Variants in NSL1 observed in about 807,000 individuals in gnomAD.
NSL1 encodes NSL1 component of MIS12 kinetochore complex, also known as kinetochore-associated protein NSL1 homolog.
A neutral mutation model predicts 25.4 loss-of-function variants in NSL1; 11 were observed. The ratio of observed to expected loss-of-function variants is 0.43; its 90% CI spans 0.27 to 0.72. The LOEUF is 0.72. NSL1 is among the 30% of genes least tolerant of loss of function. The probability of loss-of-function intolerance (pLI) is 0.19; values close to 1 mark genes in which losing one functional copy is unlikely to be tolerated. For missense variants in NSL1, 330 were observed against 342.7 expected, an observed-to-expected ratio of 0.96 and a Z score of 0.29; for synonymous variants, 118 against 120.6, an observed-to-expected ratio of 0.98 and a Z score of 0.14.
At position 212,738,443 on chromosome 1, in the gene NSL1, G is replaced by C; in HGVS notation, c.811C>G (p.Pro271Ala). The change falls in exon 6 of 6, where the codon CCA becomes GCA. Residue 271 changes from proline (P) to alanine (A), a missense_variant. By Grantham distance (27) the Pro-to-Ala change is conservative. Transcript: ENST00000366977. Reference sequence around the variant, plus strand: ...AGATTAATTTTCTTTGGCCGCAATGGATACCATTTTCTCTGGGGGCAGTCT... The same window carrying C: ...AGATTAATTTTCTTTGGCCGCAATGCATACCATTTTCTCTGGGGGCAGTCT... ...TKDCPQRKWY[P>A]LRPKKINLDT The C allele has an allele frequency of 1.2e-6, 2 of 1,613,544 alleles. No individual in the cohort carries two copies. Among genetic ancestry groups the C allele is most frequent in the East Asian group, 4.5e-5 (2 of 44,876 alleles).
chr1:212,768,586 T>G (rs927541615), intron 4 of NSL1, among the ~76,000 whole-genome samples: 1 of 152,208 alleles, frequency 6.6e-6, no homozygotes, highest in Admixed American at 6.5e-5. Context: ...CTGGATGGAG[T>G]TGGAGTCCAT....
At position 212,728,460 on chromosome 1, in the gene NSL1, T is replaced by G; in HGVS notation, c.*9948A>C. Reference sequence around the variant, plus strand: ...ATCTCTTCCTTTTCTTTGGGTAATCTTTTATCTTGAACTACCAAGAGTAGA... The same window carrying G: ...ATCTCTTCCTTTTCTTTGGGTAATCGTTTATCTTGAACTACCAAGAGTAGA... On this transcript the variant is annotated 3_prime_UTR_variant, in exon 6 of 6. Coordinates refer to ENST00000366977, the MANE Select transcript of NSL1 (RefSeq NM_015471.4). The G allele has an allele frequency of 1.0e-6, 1 of 985,464 alleles. No individual in the cohort carries two copies. Among genetic ancestry groups the G allele is most frequent in the Non-Finnish European group, 1.2e-6 (1 of 829,934 alleles). The allele number at this position is 985,464 out of a possible 1,614,324, so 61.0% of individuals were successfully genotyped here.
chr1:212,749,408 G>A (rs1021994), intron 4 of NSL1, among the ~76,000 whole-genome samples: 28,025 of 131,802 alleles, frequency 0.21, 3,728 homozygotes, highest in Admixed American at 0.45. Flanking sequence ...ACAGTGATGT[G>A]ATCACTGCTC....
In NSL1 at chr1:212,727,646, A is replaced by G. The variant is rs1382752780; in HGVS notation, c.*10762T>C. 1.0e-6 allele frequency: 1 copy of G among 985,230 alleles called. No individual in the cohort carries two copies. Among genetic ancestry groups the G allele is most frequent in the East Asian group, 1.1e-4 (1 of 8,830 alleles). The allele number at this position is 985,230 out of a possible 1,614,324, so 61.0% of individuals were successfully genotyped here. ...TTCACACGTCACAAATTCAGAATTT[A>G]CTATAATTATAATCCTGAACAATCA... On this transcript the variant is annotated 3_prime_UTR_variant, in exon 6 of 6. Coordinates refer to ENST00000366977, the MANE Select transcript of NSL1 (RefSeq NM_015471.4).
At chr1:212,754,969 T>C (rs768992634) in intron 4 of NSL1, among the ~76,000 whole-genome samples, 6 of 152,064 alleles carry the variant, frequency 3.9e-5, no homozygotes, top group Admixed American at 6.6e-5. Context: ...CTGGGATTGT[T>C]TGGGGCCAGA....
intron 4 of NSL1, among the ~76,000 whole-genome samples, chr1:212,780,367 G>A (rs1252641551): frequency 2.6e-5 from 4 of 151,280 alleles, no homozygotes; most frequent in South Asian, 2.1e-4. Context: ...CAAACACTGC[G>A]GAAGGCCGCA....
rs532313864 is a variant in NSL1, at chr1:212,730,237, CAAAAAAAA to C, written c.*8163_*8170del. ...TACACTCCAGCCTGGGTGACAGTCT[CAAAAAAAA>C]AAAAAAAAAAAAAAAAAAAAGAAAT... On this transcript the variant is annotated 3_prime_UTR_variant, in exon 6 of 6. Coordinates refer to ENST00000366977, the MANE Select transcript of NSL1 (RefSeq NM_015471.4). 3.0e-4 allele frequency: 180 copies of C among 603,894 alleles called. No individual in the cohort carries two copies. The African/African-American group carries it at 4.2e-3, about 14-fold the overall frequency. The allele number at this position is 603,894 out of a possible 1,614,324, so 37.4% of individuals were successfully genotyped here.
At chr1:212,752,036 C>T (rs1659088270) in intron 4 of NSL1, among the ~76,000 whole-genome samples, 1 of 152,154 alleles carries the variant, frequency 6.6e-6, no homozygotes. Context: ...TCTAGAACCT[C>T]GTGACACCAC....
Position 212,736,931 on chromosome 1 carries a change from T to C in NSL1, c.*1477A>G. 1 of 983,842 alleles carries C rather than the reference T, an allele frequency of 1.0e-6. No individual in the cohort carries two copies. The highest frequency in any genetic ancestry group is 1.2e-6 in the Non-Finnish European group (1 of 828,452). 60.9% of individuals were successfully genotyped at this position (983,842 alleles called of 1,614,324 possible). ...AATGCAAGTAGCTTATATAATCTAA[T>C]AGAATTAACAATAACTCTTTTGTTT... On this transcript the variant is annotated 3_prime_UTR_variant, in exon 6 of 6. Transcript: ENST00000366977.
At chr1:212,775,694 C>T (rs1298057092) in intron 4 of NSL1, among the ~76,000 whole-genome samples, 2 of 151,588 alleles carry the variant, frequency 1.3e-5, no homozygotes, top group Non-Finnish European at 2.9e-5. Context: ...TACAGAGGCA[C>T]TTCAGCAAGA....
At chr1:212,745,614 CT>C (rs1334422126) in intron 4 of NSL1, among the ~76,000 whole-genome samples, 3 of 152,142 alleles carry the variant, frequency 2.0e-5, no homozygotes, top group Non-Finnish European at 2.9e-5. Flanking sequence ...AATTCACTAT[CT>C]GCCAAAAATA....
chr1:212,739,627 T>G (rs144904988), intron 4 of NSL1, 26 bp from the exon 5 acceptor site: 239 of 1,608,450 alleles, frequency 1.5e-4, no homozygotes, highest in Non-Finnish European at 1.9e-4. Flanking sequence ...CAAACAGTAT[T>G]TTAGGTTTTT....
chr1:212,727,379 GA>G lies in NSL1; in HGVS notation c.*11028del. The G allele has an allele frequency of 1.0e-6, 1 of 985,260 alleles. No homozygotes were observed. Among genetic ancestry groups the G allele is most frequent in the Non-Finnish European group, 1.2e-6 (1 of 829,888 alleles). The allele number at this position is 985,260 out of a possible 1,614,324, so 61.0% of individuals were successfully genotyped here. On this transcript the variant is annotated 3_prime_UTR_variant, in exon 6 of 6. Coordinates refer to ENST00000366977, the MANE Select transcript of NSL1 (RefSeq NM_015471.4). ...ATGGCAGGAAGGTCACTTAACCAGG[GA>G]AATAAGTATCAGTCAAGTTAATGTT...
intron 2 of NSL1, 44 bp from the exon 3 acceptor site, chr1:212,784,537 C>G: frequency 7.8e-7 from 1 of 1,287,198 alleles, no homozygotes. Context: ...TTCCCTAAAA[C>G]TCATTGTTTA....
rs1660996461 is a variant in NSL1 at position 212,787,556 on chromosome 1, T to C, written c.313+3A>G. 3 of 1,590,152 alleles carry C rather than the reference T, an allele frequency of 1.9e-6. No homozygotes were observed. The highest frequency in any genetic ancestry group is 2.6e-6 in the Non-Finnish European group (3 of 1,169,688). ...TTAATAATGGAAGGAAAAAGTCACATACCCATAAAACAATTATCTGAAGCT... is the reference window on the plus strand; with the variant it reads ...TTAATAATGGAAGGAAAAAGTCACACACCCATAAAACAATTATCTGAAGCT... On this transcript the variant is annotated splice_donor_region_variant and intron_variant, in intron 2 of 5. Coordinates refer to ENST00000366977, the MANE Select transcript of NSL1 (RefSeq NM_015471.4).
At chr1:212,739,660 G>A (rs1571864101) in intron 4 of NSL1, 59 bp from the exon 5 acceptor site, 11 of 1,525,950 alleles carry the variant, frequency 7.2e-6, no homozygotes, top group Non-Finnish European at 9.0e-6. Flanking sequence ...ATCATAAAAG[G>A]CATATAGATA....
At chr1:212,754,038 A>T (rs1659187586) in intron 4 of NSL1, among the ~76,000 whole-genome samples, 1 of 152,176 alleles carries the variant, frequency 6.6e-6, no homozygotes, top group Non-Finnish European at 1.5e-5. Context: ...GCCTGAAATA[A>T]ATCTGGAGAG....
intron 4 of NSL1, among the ~76,000 whole-genome samples, chr1:212,754,435 G>GTGCAAC (rs1312078327): frequency 2.0e-5 from 3 of 152,026 alleles, no homozygotes; most frequent in Non-Finnish European, 4.4e-5. Context: ...GTTTGAAACC[G>GTGCAAC]AGGGCTGAGA....
chr1:212,763,092 G>C (rs1659648505), intron 4 of NSL1, among the ~76,000 whole-genome samples: 1 of 152,164 alleles, frequency 6.6e-6, no homozygotes, highest in Non-Finnish European at 1.5e-5. Flanking sequence ...AGACTGCCTG[G>C]AACTAAATCC....
Sources: allele counts gnomAD v4.1 joint callset (sites outside exome capture counted in the v4.1 genomes callset), GRCh38; gene constraint gnomAD v4.1.1; transcripts MANE v1.5; gene names NCBI Gene and HGNC (gene_info 2026-07-23, HGNC 2026-07-21).